THSD4: variants seen among roughly 807,000 people sequenced by gnomAD.
THSD4 encodes thrombospondin type 1 domain containing 4, also known as thrombospondin type-1 domain-containing protein 4.
In THSD4, 69 loss-of-function variants were observed where a neutral mutation model predicts 119.0. The ratio of observed to expected loss-of-function variants is 0.58; its 90% CI spans 0.48 to 0.71. The LOEUF (loss-of-function observed/expected upper bound fraction) is 0.71, where lower values mean the gene tolerates loss of function less well. Among genes scored for constraint, THSD4 ranks in the 30% least tolerant of loss-of-function variants. THSD4 has a pLI of 0.00. For synonymous variants in THSD4, 524 were observed against 540.4 expected (o/e 0.97, Z 0.42); for missense variants, 1,393 against 1,391.1 (o/e 1.00, Z -0.02).
Position 71,360,406 on chromosome 15 carries a change from C to T in THSD4, c.1016-51281C>T, listed in dbSNP as rs1314683342. On this transcript the variant is annotated intron_variant, in intron 6 of 17. Coordinates refer to ENST00000261862, the MANE Select transcript of THSD4 (RefSeq NM_024817.3). ...AATCCAGATTCAACACGATGGGTTA[C>T]TCGGCTCTATCTCTTCATATGAGAA... Among the ~76,000 whole-genome samples the T allele has an allele frequency of 2.0e-5, 3 of 152,150 alleles. No individual in the cohort carries two copies. The East Asian group carries it at 5.8e-4, about 29-fold the overall frequency.
intron 1 of THSD4, among the ~76,000 whole-genome samples, chr15:71,100,310 T>C (rs961375604): frequency 1.3e-5 from 2 of 152,214 alleles, no homozygotes; most frequent in African/African-American, 4.8e-5. Flanking sequence ...TTTTTCTCCA[T>C]AGACTCACTC....
At chr15:71,125,295 T>G in intron 1 of THSD4, among the ~76,000 whole-genome samples, 1 of 152,114 alleles carries the variant, frequency 6.6e-6, no homozygotes, top group East Asian at 1.9e-4. Flanking sequence ...GCTGGAATTT[T>G]TTTATTGTAA....
chr15:71,310,417 G>C (rs1415938027), intron 6 of THSD4, among the ~76,000 whole-genome samples: 1 of 152,174 alleles, frequency 6.6e-6, no homozygotes, highest in African/African-American at 2.4e-5. Flanking sequence ...CCTTCAGAAC[G>C]AAGACCTAAA....
At chr15:71,600,540 G>A (rs1442310205) in intron 7 of THSD4, among the ~76,000 whole-genome samples, 1 of 152,054 alleles carries the variant, frequency 6.6e-6, no homozygotes, top group Non-Finnish European at 1.5e-5. Flanking sequence ...GAATGATTGG[G>A]AATTATTAAT....
intron 1 of THSD4, among the ~76,000 whole-genome samples, chr15:71,128,274 C>T (rs1418225137): frequency 6.6e-6 from 1 of 151,626 alleles, no homozygotes; most frequent in Non-Finnish European, 1.5e-5. Flanking sequence ...AACATGTAAT[C>T]CCAGCACTTT....
intron 7 of THSD4, among the ~76,000 whole-genome samples, chr15:71,605,495 TACTA>T (rs1018670926): frequency 1.3e-5 from 2 of 152,298 alleles, no homozygotes; most frequent in Admixed American, 6.5e-5. Context: ...AAGTGCCCAT[TACTA>T]ACTACTGAAC....
chr15:71,190,728 G>A (rs924157572), intron 3 of THSD4, among the ~76,000 whole-genome samples: 1 of 152,152 alleles, frequency 6.6e-6, no homozygotes, highest in East Asian at 1.9e-4. Context: ...AGAATAGCTA[G>A]AAAGGAACCA....
intron 7 of THSD4, among the ~76,000 whole-genome samples, chr15:71,536,747 A>C (rs1303785252): frequency 6.6e-6 from 1 of 152,172 alleles, no homozygotes; most frequent in African/African-American, 2.4e-5. Context: ...ATATATTATT[A>C]TTAATTATAG....
At chr15:71,181,797 T>A (rs949138451) in intron 3 of THSD4, among the ~76,000 whole-genome samples, 2 of 152,242 alleles carry the variant, frequency 1.3e-5, no homozygotes, top group Non-Finnish European at 2.9e-5. Context: ...GAAGCCATAA[T>A]CATTCCTCTT....
At chr15:71,282,536 G>C (rs113543650) in intron 6 of THSD4, among the ~76,000 whole-genome samples, 2 of 152,074 alleles carry the variant, frequency 1.3e-5, no homozygotes, top group African/African-American at 4.8e-5. Flanking sequence ...CCTTGGTTCC[G>C]ACATATCCTA....
chr15:71,164,971 C>T lies in THSD4; in HGVS notation c.99+10039C>T, dbSNP rs945662827. 53 of 1,596,328 alleles carry T rather than the reference C, an allele frequency of 3.3e-5. No individual in the cohort carries two copies. The African/African-American group carries it at 4.0e-4, about 12-fold the overall frequency. On this transcript the variant is annotated intron_variant, in intron 3 of 17. Transcript: ENST00000261862. ...CCTTTTCGTATTTTTCCTTCAGCTT[C>T]GCAGCCTTCTTTTCATAAGGCTGCT...
intron 7 of THSD4, among the ~76,000 whole-genome samples, chr15:71,470,632 A>AT (rs1179703976): frequency 0.12 from 16,940 of 145,952 alleles, 1,141 homozygotes; most frequent in Admixed American, 0.21. Flanking sequence ...GGATTTTATT[A>AT]TTTTTTTTTT....
intron 7 of THSD4, among the ~76,000 whole-genome samples, chr15:71,430,354 T>G (rs1373164685): frequency 6.6e-6 from 1 of 152,242 alleles, no homozygotes; most frequent in Non-Finnish European, 1.5e-5. Context: ...TTTATTAACT[T>G]GGCCTGATTA....
chr15:71,688,837 C>G lies in THSD4; in HGVS notation c.1357+28103C>G, dbSNP rs1170810755. 5.9e-5 allele frequency among the ~76,000 whole-genome samples: 9 copies of G among 151,848 alleles called. No individual in the cohort carries two copies. The East Asian group carries it at 1.7e-3, about 29-fold the overall frequency. On this transcript the variant is annotated intron_variant, in intron 8 of 17. Coordinates refer to ENST00000261862, the MANE Select transcript of THSD4 (RefSeq NM_024817.3). ...AATGTTAACATCTTGGAATAATCAC[C>G]CCCTGCCAGTGTTTTTTTCTTTTTC... is the stretch of plus-strand genomic sequence containing the variant.
At chr15:71,429,143 A>G (rs2046910838) in intron 7 of THSD4, among the ~76,000 whole-genome samples, 1 of 152,224 alleles carries the variant, frequency 6.6e-6, no homozygotes, top group Non-Finnish European at 1.5e-5. Flanking sequence ...GAAAAGGCAT[A>G]CGACATTTAT....
chr15:71,718,054 T>G (rs1338461319), intron 8 of THSD4, among the ~76,000 whole-genome samples: 1 of 150,404 alleles, frequency 6.6e-6, no homozygotes, highest in Non-Finnish European at 1.5e-5. Context: ...GAGGCTAAGG[T>G]AGGAGAATTG....
chr15:71,577,701 C>CTTTT (rs2049476269), intron 7 of THSD4, among the ~76,000 whole-genome samples: 1 of 14,438 alleles, frequency 6.9e-5, no homozygotes, highest in African/African-American at 1.3e-4. Context: ...CTGGTGCAAC[C>CTTTT]TTTATTTATT....
At chr15:71,516,617 T>A (rs2048365348) in intron 7 of THSD4, among the ~76,000 whole-genome samples, 1 of 152,252 alleles carries the variant, frequency 6.6e-6, no homozygotes, top group Admixed American at 6.5e-5. Context: ...ATTTTAGTTA[T>A]TTGCACACTG....
intron 7 of THSD4, among the ~76,000 whole-genome samples, chr15:71,456,016 A>G (rs1437138337): frequency 6.6e-6 from 1 of 152,204 alleles, no homozygotes; most frequent in African/African-American, 2.4e-5. Context: ...TGAGGGGGCC[A>G]CCTTTTGTAA....
Sources: allele counts gnomAD v4.1 joint callset (sites outside exome capture counted in the v4.1 genomes callset), GRCh38; gene constraint gnomAD v4.1.1; transcripts MANE v1.5; gene names NCBI Gene and HGNC (gene_info 2026-07-23, HGNC 2026-07-21).